The following ADGRV1 variants were observed in gnomAD, a reference collection of about 807,000 sequenced individuals.
ADGRV1 encodes adhesion G protein-coupled receptor V1, also known as G-protein coupled receptor 98.
In ADGRV1, 359 loss-of-function variants were observed where a neutral mutation model predicts 596.2. The ratio of observed to expected loss-of-function variants is 0.60; its 90% CI spans 0.55 to 0.66. ADGRV1 has a LOEUF of 0.66. ADGRV1 is among the 30% of genes least tolerant of loss of function. The probability of loss-of-function intolerance (pLI) is 0.00; values close to 1 mark genes in which losing one functional copy is unlikely to be tolerated. For missense variants in ADGRV1, 7,274 were observed against 7,575.6 expected (o/e 0.96, Z 1.48); for synonymous variants, 2,681 against 2,679.2 (o/e 1.00, Z -0.02).
chr5:90,785,262 G>T (rs573756142), intron 67 of ADGRV1, among the ~76,000 whole-genome samples: 127 of 152,272 alleles, frequency 8.3e-4, no homozygotes, highest in South Asian at 6.2e-3. Flanking sequence ...ATTCAAGATG[G>T]ATTAAAGACT....
rs59105845 is a variant in ADGRV1, at chr5:90,844,061, A to G, written c.17019+3076A>G. ...TTTTTAGTATAAGCATATTGCAGAT[A>G]CTTATTTGGGACATATTTATACCAA... On this transcript the variant is annotated intron_variant, in intron 78 of 89. Transcript: ENST00000405460. Among the ~76,000 whole-genome samples the G allele has an allele frequency of 1.8e-3, 269 of 152,300 alleles. 3 individuals are homozygous for G. The highest frequency in any genetic ancestry group is 5.9e-3 in the African/African-American group (244 of 41,564).
rs1274304762 is a variant in ADGRV1, at chr5:90,656,781, G to A, written c.4379-1124G>A. 3.9e-5 allele frequency among the ~76,000 whole-genome samples: 6 copies of A among 152,118 alleles called. No homozygotes were observed. The East Asian group carries it at 1.2e-3, about 29-fold the overall frequency. Reference sequence around the variant, plus strand: ...AGAATCTCTGCCAATATCTCATCTTGCCTAAAGATCTTACATAAATATCTT... The same window carrying A: ...AGAATCTCTGCCAATATCTCATCTTACCTAAAGATCTTACATAAATATCTT... On this transcript the variant is annotated intron_variant, in intron 20 of 89. Transcript: ENST00000405460.
At chr5:90,586,341 A>G (rs986790970) in intron 1 of ADGRV1, among the ~76,000 whole-genome samples, 20 of 152,206 alleles carry the variant, frequency 1.3e-4, no homozygotes, top group Admixed American at 2.0e-4. Flanking sequence ...GTTCAGTAAT[A>G]AGTCCACCTT....
rs547914428 is a variant in ADGRV1, at chr5:90,712,068, G to A, written c.9043-219G>A. Among the ~76,000 whole-genome samples, 5 of 152,246 alleles carry A rather than the reference G, an allele frequency of 3.3e-5. No individual in the cohort carries two copies. In the South Asian group the frequency reaches 1.0e-3, roughly 32 times the overall value. The stretch of plus-strand genomic sequence containing the variant: ...CTCACATAGTGCTGGGATTACAGGC[G>A]TGAGCCAATGCACCCAGCCCCCTCT... On this transcript the variant is annotated intron_variant, in intron 41 of 89. Transcript: ENST00000405460.
At chr5:91,096,994 C>T (rs529444131) in intron 86 of ADGRV1, among the ~76,000 whole-genome samples, 5 of 152,322 alleles carry the variant, frequency 3.3e-5, no homozygotes, top group African/African-American at 1.2e-4. Context: ...TGGCTTGTTT[C>T]ACATAACATT....
chr5:90,666,137 G>T (rs1335719254), intron 21 of ADGRV1, among the ~76,000 whole-genome samples: 2 of 150,546 alleles, frequency 1.3e-5, no homozygotes, highest in African/African-American at 4.9e-5. Flanking sequence ...GGTCCGCTTG[G>T]TGCAGAGCTG....
chr5:90,758,176 C>CA, intron 57 of ADGRV1, among the ~76,000 whole-genome samples: 1 of 152,000 alleles, frequency 6.6e-6, no homozygotes, highest in Non-Finnish European at 1.5e-5. Context: ...ACTAGAAATA[C>CA]AAAAAAATTA....
intron 17 of ADGRV1, among the ~76,000 whole-genome samples, chr5:90,651,107 C>T (rs994939262): frequency 6.6e-6 from 1 of 152,102 alleles, no homozygotes; most frequent in African/African-American, 2.4e-5. Context: ...ACTTTGCTGC[C>T]TGAAGGCAGA....
At position 90,642,925 on chromosome 5, in the gene ADGRV1, C is replaced by T. The variant is rs1214672768; in HGVS notation, c.2437C>T (p.Arg813Ter). ...GSLVKQFLHY[R>*]VEPRDSNEFY... Reference sequence around the variant, plus strand: ...CCTTGTTAAGCAGTTTCTACACTACCGAGTAGAGCCAAGAGATAGCAATGA... The same window carrying T: ...CCTTGTTAAGCAGTTTCTACACTACTGAGTAGAGCCAAGAGATAGCAATGA... The change falls in exon 13 of 90, where the codon CGA becomes TGA. Residue 813 changes from arginine (R) to a stop codon, truncating the protein, a stop_gained. Transcript: ENST00000405460. LOFTEE classifies it high-confidence loss of function. The T allele has an allele frequency of 5.0e-6, 8 of 1,612,568 alleles. No individual in the cohort carries two copies. The highest frequency in any genetic ancestry group is 1.1e-5 in the South Asian group (1 of 90,996).
intron 72 of ADGRV1, among the ~76,000 whole-genome samples, chr5:90,806,387 G>T (rs1193464430): frequency 6.6e-6 from 1 of 152,126 alleles, no homozygotes; most frequent in African/African-American, 2.4e-5. Context: ...CTCAGACATT[G>T]TCTCCTCTTG....
Position 90,848,704 on chromosome 5 carries a change from GT to G in ADGRV1, c.17089del (p.Ser5697LeufsTer19). On this transcript the variant is annotated frameshift_variant, in exon 79 of 90. Transcript: ENST00000405460. LOFTEE classifies it high-confidence loss of function. ...CGAACTCTTTTCTATGAGATTCTTTGTTCTCTTATTAACCCAAAGCGCAAGG... is the reference window on the plus strand; with the variant it reads ...CGAACTCTTTTCTATGAGATTCTTTGTCTCTTATTAACCCAAAGCGCAAGG... The part of the protein sequence containing the change: ...ASRTLFYEIL[C>X]SLINPKRKDT... The G allele has an allele frequency of 6.3e-7, 1 of 1,588,222 alleles. No individual in the cohort carries two copies. Among genetic ancestry groups the G allele is most frequent in the Non-Finnish European group, 8.5e-7 (1 of 1,169,948 alleles).
chr5:90,851,588 G>A (rs933256971), intron 79 of ADGRV1, among the ~76,000 whole-genome samples: 1 of 152,170 alleles, frequency 6.6e-6, no homozygotes, highest in East Asian at 1.9e-4. Flanking sequence ...AATGCCAGGT[G>A]GCACTGAGGG....
In ADGRV1 at chr5:91,057,645, C is replaced by T. The variant is rs138126870; in HGVS notation, c.18153-14802C>T. Among the ~76,000 whole-genome samples, 1,145 of 152,198 alleles carry T rather than the reference C, an allele frequency of 7.5e-3. 19 individuals carry two copies. Among genetic ancestry groups the T allele is most frequent in the African/African-American group, 0.027 (1,108 of 41,524 alleles). On this transcript the variant is annotated intron_variant, in intron 85 of 89. Coordinates refer to ENST00000405460, the MANE Select transcript of ADGRV1 (RefSeq NM_032119.4). ...GAAAATAACAGGAACATCCTGTTGA[C>T]AAAAATAAATTCCTTATGATAAAAT...
chr5:90,902,989 A>T (rs1188361600), intron 83 of ADGRV1, among the ~76,000 whole-genome samples: 1 of 152,144 alleles, frequency 6.6e-6, no homozygotes, highest in Non-Finnish European at 1.5e-5. Context: ...AAAAATTGAC[A>T]TCTTATGGTA....
chr5:90,584,046 G>A (rs137954406), intron 1 of ADGRV1, among the ~76,000 whole-genome samples: 499 of 152,214 alleles, frequency 3.3e-3, no homozygotes, highest in African/African-American at 0.011. Flanking sequence ...GTGTAATTTG[G>A]CGAATATATT....
intron 83 of ADGRV1, among the ~76,000 whole-genome samples, chr5:90,894,163 C>A (rs1771084168): frequency 6.6e-6 from 1 of 152,164 alleles, no homozygotes; most frequent in Admixed American, 6.5e-5. Flanking sequence ...AAAAATCTGT[C>A]AGTAAAATCA....
intron 86 of ADGRV1, among the ~76,000 whole-genome samples, chr5:91,085,710 A>G (rs904619509): frequency 6.6e-6 from 1 of 152,120 alleles, no homozygotes; most frequent in African/African-American, 2.4e-5. Flanking sequence ...ATTTTCCACA[A>G]CTGCCTCACA....
At chr5:90,598,896 A>G (rs1761050262) in intron 1 of ADGRV1, among the ~76,000 whole-genome samples, 1 of 152,248 alleles carries the variant, frequency 6.6e-6, no homozygotes, top group Non-Finnish European at 1.5e-5. Context: ...CATCACAGCT[A>G]TAAGACAATT....
chr5:91,067,098 A>G (rs575860756), intron 85 of ADGRV1, among the ~76,000 whole-genome samples: 5 of 151,984 alleles, frequency 3.3e-5, no homozygotes, highest in African/African-American at 7.2e-5. Flanking sequence ...AGGATGAGCC[A>G]TCAATGTCAA....
Sources: gnomAD v4.1 joint callset for allele counts (sites outside exome capture counted in the v4.1 genomes callset) on GRCh38, gnomAD v4.1.1 for gene constraint, MANE v1.5 for transcripts, NCBI Gene and HGNC (gene_info 2026-07-23, HGNC 2026-07-21) for gene names.